PLA2R1: variants seen among roughly 807,000 people sequenced by gnomAD.
PLA2R1 encodes the protein phospholipase A2 receptor 1.
PLA2R1 carries 158 observed loss-of-function variants against 195.9 expected under a neutral mutation model. The ratio of observed to expected loss-of-function variants is 0.81; its 90% CI spans 0.71 to 0.92. The LOEUF is 0.92. Ranked by LOEUF, PLA2R1 falls within the 40% of genes least tolerant of loss-of-function variation. The pLI is 0.00. For synonymous variants in PLA2R1, 586 were observed against 598.2 expected (o/e 0.98, Z 0.30); for missense variants, 1,626 against 1,764.6 (o/e 0.92, Z 1.41).
At chr2:160,006,957 C>G (rs1011001213) in intron 10 of PLA2R1, among the ~76,000 whole-genome samples, 7 of 152,160 alleles carry the variant, frequency 4.6e-5, no homozygotes, top group African/African-American at 1.7e-4. Context: ...AAGTGCCTTA[C>G]AGATATTATT....
At chr2:159,951,910 T>G (rs16844553) in intron 23 of PLA2R1, among the ~76,000 whole-genome samples, 2,047 of 152,332 alleles carry the variant, frequency 0.013, 57 homozygotes, top group African/African-American at 0.045. Flanking sequence ...CTCCACTAAC[T>G]ACACTTGGCT....
intron 4 of PLA2R1, among the ~76,000 whole-genome samples, chr2:160,029,827 T>C (rs1270217616): frequency 6.6e-6 from 1 of 152,230 alleles, no homozygotes; most frequent in Admixed American, 6.5e-5. Flanking sequence ...TTTGTGATGC[T>C]TTGAAATGTT....
chr2:160,021,675 A>G (rs1414063229), intron 7 of PLA2R1, among the ~76,000 whole-genome samples: 1 of 152,234 alleles, frequency 6.6e-6, no homozygotes, highest in South Asian at 2.1e-4. Flanking sequence ...GTTGGGTACA[A>G]TGTTCACCAT....
rs1687232129 is a variant in PLA2R1, at chr2:159,943,884, TTTC to T, written c.4144+1019_4144+1021del. On this transcript the variant is annotated intron_variant, in intron 28 of 29. Coordinates refer to ENST00000283243, the MANE Select transcript of PLA2R1 (RefSeq NM_007366.5). The stretch of plus-strand genomic sequence containing the variant: ...ACATTGGTGCCCACACCTGCAGTGT[TTTC>T]TTCTTCATTCCCAGCTCAAATCAGT... Among the ~76,000 whole-genome samples the T allele has an allele frequency of 2.6e-5, 4 of 152,146 alleles. No individual in the cohort carries two copies. In the South Asian group the frequency reaches 8.3e-4, roughly 32 times the overall value.
intron 13 of PLA2R1, among the ~76,000 whole-genome samples, chr2:159,982,924 C>G (rs1203530981): frequency 6.6e-6 from 1 of 152,116 alleles, no homozygotes; most frequent in African/African-American, 2.4e-5. Flanking sequence ...GAGGCAGGAT[C>G]TTGTTTGTCA....
At chr2:159,997,368 A>G (rs1472565626) in intron 11 of PLA2R1, among the ~76,000 whole-genome samples, 1 of 151,990 alleles carries the variant, frequency 6.6e-6, no homozygotes, top group East Asian at 1.9e-4. Flanking sequence ...GGAGTTGCAG[A>G]TTTCCCTTCC....
At chr2:159,984,362 T>G (rs1359167504) in intron 12 of PLA2R1, among the ~76,000 whole-genome samples, 1 of 152,172 alleles carries the variant, frequency 6.6e-6, no homozygotes, top group Admixed American at 6.5e-5. Flanking sequence ...GTGACTGGCA[T>G]GTACTTGTCC....
At chr2:159,993,424 ATGAATT>A in intron 11 of PLA2R1, among the ~76,000 whole-genome samples, 1 of 149,738 alleles carries the variant, frequency 6.7e-6, no homozygotes, top group East Asian at 2.0e-4. Context: ...AATTGTAAAT[ATGAATT>A]TGAACTCAAA....
chr2:159,983,644 G>A (rs533073122), intron 13 of PLA2R1, among the ~76,000 whole-genome samples: 33 of 152,008 alleles, frequency 2.2e-4, no homozygotes, highest in Non-Finnish European at 4.3e-4. Flanking sequence ...AAACCATTGG[G>A]GTAGATAATT....
At chr2:160,029,681 A>C (rs1693740190) in intron 4 of PLA2R1, among the ~76,000 whole-genome samples, 1 of 152,180 alleles carries the variant, frequency 6.6e-6, no homozygotes, top group Non-Finnish European at 1.5e-5. Flanking sequence ...AATTATGGGA[A>C]TTTTTCCTCA....
intron 20 of PLA2R1, among the ~76,000 whole-genome samples, chr2:159,962,654 A>C (rs910279882): frequency 3.9e-5 from 6 of 152,336 alleles, no homozygotes; most frequent in Admixed American, 1.3e-4. Flanking sequence ...TCAATGATAG[A>C]CTGGATAAAG....
chr2:159,951,300 T>G (rs752190501), intron 24 of PLA2R1, 40 bp downstream of exon 24: 1 of 1,146,066 alleles, frequency 8.7e-7, no homozygotes, highest in Non-Finnish European at 1.3e-6. Flanking sequence ...ATGCTAAACT[T>G]AATTATTCAA....
At position 160,053,045 on chromosome 2, in the gene PLA2R1, AAT is replaced by A. The variant is rs1000329185; in HGVS notation, c.110-7890_110-7889del. Among the ~76,000 whole-genome samples the A allele has an allele frequency of 3.5e-4, 54 of 152,272 alleles. 1 individual carries two copies. Among genetic ancestry groups the A allele is most frequent in the African/African-American group, 1.3e-3 (54 of 41,556 alleles). The stretch of plus-strand genomic sequence containing the variant: ...CAAACTGAGTGGCTTCAATGACAGA[AAT>A]TTCTTTTCTCATAATTCTGGAGGCT... On this transcript the variant is annotated intron_variant, in intron 1 of 29. Transcript: ENST00000283243.
chr2:160,043,642 T>C (rs181986571), intron 2 of PLA2R1, among the ~76,000 whole-genome samples: 2 of 152,300 alleles, frequency 1.3e-5, no homozygotes, highest in East Asian at 3.9e-4. Context: ...CTCCAAAGCA[T>C]ATGTTCCCCA....
At chr2:159,991,596 A>C (rs2105338285) in intron 11 of PLA2R1, among the ~76,000 whole-genome samples, 1 of 144,152 alleles carries the variant, frequency 6.9e-6, no homozygotes. Flanking sequence ...TATATCTCCC[A>C]ATGCTATCCC....
At chr2:160,016,863 A>G in intron 8 of PLA2R1, 151 bp from the exon 9 acceptor site, 2 of 601,736 alleles carry the variant, frequency 3.3e-6, no homozygotes, top group Non-Finnish European at 5.9e-6. Flanking sequence ...GAAAGGGTTG[A>G]CACTTTGTCT....
intron 2 of PLA2R1, among the ~76,000 whole-genome samples, chr2:160,042,894 A>G (rs1694631520): frequency 6.7e-6 from 1 of 149,776 alleles, no homozygotes; most frequent in South Asian, 2.1e-4. Flanking sequence ...AGAGAGAGGG[A>G]GAGATGGGGT....
chr2:159,955,553 A>G, intron 22 of PLA2R1, 145 bp downstream of exon 22: 1 of 391,720 alleles, frequency 2.6e-6, no homozygotes, highest in Middle Eastern at 7.1e-4. Context: ...AACACATAAA[A>G]TTACATTAAA....
intron 6 of PLA2R1, among the ~76,000 whole-genome samples, chr2:160,026,029 G>A (rs1195832366): frequency 6.6e-6 from 1 of 152,178 alleles, no homozygotes; most frequent in African/African-American, 2.4e-5. Flanking sequence ...CACAGTGGGG[G>A]AAATGGGTAA....
Sources: gnomAD v4.1 joint callset for allele counts (sites outside exome capture counted in the v4.1 genomes callset) on GRCh38, gnomAD v4.1.1 for gene constraint, MANE v1.5 for transcripts, NCBI Gene and HGNC (gene_info 2026-07-23, HGNC 2026-07-21) for gene names.